C8A: variants seen among roughly 807,000 people sequenced by gnomAD.
C8A encodes complement C8 alpha chain.
Under a neutral mutation model 65.3 loss-of-function variants are expected in C8A, and 67 were observed. The ratio of observed to expected loss-of-function variants is 1.03; its 90% CI spans 0.84 to 1.26. C8A has a LOEUF of 1.26. Ranked by LOEUF, C8A falls within the 50% of genes most tolerant of loss-of-function variation. C8A has a pLI of 0.00. For missense variants in C8A, 781 were observed against 723.9 expected (o/e 1.08, Z -0.90); for synonymous variants, 290 against 259.4 (o/e 1.12, Z -1.13).
intron 10 of C8A, among the ~76,000 whole-genome samples, chr1:56,916,981 C>T (rs1025521037): frequency 5.9e-5 from 9 of 152,282 alleles, no homozygotes; most frequent in Admixed American, 5.2e-4. Context: ...AGGTGTCTGG[C>T]CAAACCTTTT....
chr1:56,864,052 T>A (rs886178677), intron 1 of C8A, among the ~76,000 whole-genome samples: 1 of 152,172 alleles, frequency 6.6e-6, no homozygotes, highest in Non-Finnish European at 1.5e-5. Context: ...GAGCCTAGAA[T>A]CTGGTAGAGA....
chr1:56,913,033 T>C (rs1259931981), intron 10 of C8A, among the ~76,000 whole-genome samples: 2 of 152,106 alleles, frequency 1.3e-5, no homozygotes, highest in African/African-American at 2.4e-5. Flanking sequence ...TGGGGGAGTA[T>C]GTGGTTCAAG....
At chr1:56,866,615 C>A (rs1038137713) in intron 1 of C8A, among the ~76,000 whole-genome samples, 1 of 152,212 alleles carries the variant, frequency 6.6e-6, no homozygotes, top group African/African-American at 2.4e-5. Flanking sequence ...TCATGCCATT[C>A]ATCACAGCAG....
At position 56,892,808 on chromosome 1, in the gene C8A, C is replaced by CA. The variant is rs373701083; in HGVS notation, c.1096+6645dup. Among the ~76,000 whole-genome samples, 203 of 152,224 alleles carry CA rather than the reference C, an allele frequency of 1.3e-3. 1 individual carries two copies. The highest frequency in any genetic ancestry group is 4.5e-3 in the African/African-American group (189 of 41,542). On this transcript the variant is annotated intron_variant, in intron 7 of 10. Transcript: ENST00000361249. ...TTCAGCTTTTGTGCCCTGGGTCCCT[C>CA]AAAATGCAACATGAAGTAGAATGCT...
chr1:56,902,215 A>G (rs1644432245), intron 7 of C8A, among the ~76,000 whole-genome samples: 1 of 152,126 alleles, frequency 6.6e-6, no homozygotes, highest in Non-Finnish European at 1.5e-5. Context: ...GACTGTGATA[A>G]TGATCGACCT....
chr1:56,883,640 G>C lies in C8A; in HGVS notation c.814G>C (p.Asp272His). 1 of 1,613,914 alleles carries C rather than the reference G, an allele frequency of 6.2e-7. No individual in the cohort carries two copies. The highest frequency in any genetic ancestry group is 1.7e-5 in the Admixed American group (1 of 59,970). The change falls in exon 6 of 11, where the codon GAC becomes CAC. Residue 272 changes from aspartate to histidine, a missense_variant. Coordinates refer to ENST00000361249, the MANE Select transcript of C8A (RefSeq NM_000562.3). ...LVGVGVSHSQ[D>H]TSFLNELNKY... ...GGGTGTAGGTGTATCCCACTCACAAGACACTTCATTCTTGAACGAATTAAA... is the reference window on the plus strand; with the variant it reads ...GGGTGTAGGTGTATCCCACTCACAACACACTTCATTCTTGAACGAATTAAA...
intron 2 of C8A, among the ~76,000 whole-genome samples, chr1:56,872,516 TA>T (rs1310615539): frequency 5.9e-5 from 9 of 152,104 alleles, no homozygotes; most frequent in South Asian, 2.1e-4. Context: ...TATATGAGTT[TA>T]AAAGAAAGTC....
At chr1:56,859,480 AG>A (rs1181785005) in intron 1 of C8A, among the ~76,000 whole-genome samples, 5 of 152,208 alleles carry the variant, frequency 3.3e-5, no homozygotes, top group African/African-American at 1.2e-4. Flanking sequence ...TGAAGTGGAA[AG>A]GTTTGGCCAG....
intron 4 of C8A, among the ~76,000 whole-genome samples, chr1:56,880,644 A>G (rs1644239991): frequency 6.6e-6 from 1 of 152,122 alleles, no homozygotes; most frequent in Non-Finnish European, 1.5e-5. Context: ...TAGCACTATG[A>G]ATTGCATCCA....
intron 1 of C8A, 78 bp downstream of exon 1, chr1:56,855,056 A>C (rs1191541664): frequency 9.5e-7 from 1 of 1,053,378 alleles, no homozygotes; most frequent in Non-Finnish European, 1.5e-6. Flanking sequence ...TTATGTTTGC[A>C]GCAGAGGCTG....
intron 9 of C8A, 37 bp downstream of exon 9, chr1:56,908,150 T>A: frequency 3.7e-6 from 6 of 1,604,176 alleles, no homozygotes; most frequent in Non-Finnish European, 5.1e-6. Flanking sequence ...TCTACGTCCA[T>A]GAGGAATGAA....
At chr1:56,882,921 C>A (rs998422035) in intron 5 of C8A, among the ~76,000 whole-genome samples, 1 of 152,156 alleles carries the variant, frequency 6.6e-6, no homozygotes, top group African/African-American at 2.4e-5. Flanking sequence ...AACACATGCT[C>A]TCATGATTGC....
intron 5 of C8A, among the ~76,000 whole-genome samples, chr1:56,881,878 G>A (rs1644251696): frequency 6.6e-6 from 1 of 152,134 alleles, no homozygotes; most frequent in African/African-American, 2.4e-5. Context: ...AAATAGATCT[G>A]AGGCTCTATT....
At chr1:56,917,222 A>T (rs1031489141) in intron 10 of C8A, among the ~76,000 whole-genome samples, 1 of 152,176 alleles carries the variant, frequency 6.6e-6, no homozygotes, top group African/African-American at 2.4e-5. Context: ...ACCTGAAGGC[A>T]TTTCCCCAAG....
chr1:56,916,975 G>A (rs924003272), intron 10 of C8A, among the ~76,000 whole-genome samples: 7 of 152,192 alleles, frequency 4.6e-5, no homozygotes, highest in African/African-American at 1.7e-4. Context: ...CCAGGGAGGT[G>A]TCTGGCCAAA....
chr1:56,893,949 A>T (rs1644368580), intron 7 of C8A, among the ~76,000 whole-genome samples: 1 of 152,160 alleles, frequency 6.6e-6, no homozygotes, highest in Non-Finnish European at 1.5e-5. Flanking sequence ...TACATACTTC[A>T]TAGGGTTGTT....
rs1570351434 is a variant in C8A, at chr1:56,907,172, G to A, written c.1222+380G>A. Among the ~76,000 whole-genome samples, 3 of 152,186 alleles carry A rather than the reference G, an allele frequency of 2.0e-5. No individual in the cohort carries two copies. The East Asian group carries it at 5.8e-4, about 29-fold the overall frequency. On this transcript the variant is annotated intron_variant, in intron 8 of 10. Transcript: ENST00000361249. Reference sequence around the variant, plus strand: ...ATATGGTACCGAGTCCAAGCTCAAAGAATAATTATTAGAGAGGGATTGTAC... The same window carrying A: ...ATATGGTACCGAGTCCAAGCTCAAAAAATAATTATTAGAGAGGGATTGTAC...
At chr1:56,883,105 C>T (rs1470166383) in intron 5 of C8A, among the ~76,000 whole-genome samples, 3 of 152,144 alleles carry the variant, frequency 2.0e-5, no homozygotes, top group Non-Finnish European at 4.4e-5. Flanking sequence ...CCAGATGTGG[C>T]TTTCTGTATC....
At chr1:56,913,266 G>T (rs1253070558) in intron 10 of C8A, among the ~76,000 whole-genome samples, 1 of 152,136 alleles carries the variant, frequency 6.6e-6, no homozygotes, top group Admixed American at 6.5e-5. Flanking sequence ...TCCAAATAAG[G>T]TCATGTTCAC....
Sources: allele counts gnomAD v4.1 joint callset (sites outside exome capture counted in the v4.1 genomes callset), GRCh38; gene constraint gnomAD v4.1.1; transcripts MANE v1.5; gene names NCBI Gene and HGNC (gene_info 2026-07-23, HGNC 2026-07-21).